The following PPP6R1 variants were observed in gnomAD, a reference collection of about 807,000 sequenced individuals.
PPP6R1 encodes the protein protein phosphatase 6 regulatory subunit 1, also known as serine/threonine-protein phosphatase 6 regulatory subunit 1.
In PPP6R1, 39 loss-of-function variants were observed where a neutral mutation model predicts 104.6. The ratio of observed to expected loss-of-function variants is 0.37; its 90% CI spans 0.29 to 0.49. The LOEUF is 0.49. Among genes scored for constraint, PPP6R1 ranks in the 20% least tolerant of loss-of-function variants. PPP6R1 has a pLI of 0.98. For missense variants in PPP6R1, 1,181 were observed against 1,155.8 expected (o/e 1.02, Z -0.32); for synonymous variants, 549 against 479.0 (o/e 1.15, Z -1.91).
chr19:55,252,985 T>C (rs2087565539), intron 1 of PPP6R1, among the ~76,000 whole-genome samples: 1 of 152,180 alleles, frequency 6.6e-6, no homozygotes, highest in African/African-American at 2.4e-5. Context: ...TCCGCAGAGC[T>C]GATGAGATGC....
chr19:55,257,729 T>C (rs971781160), intron 1 of PPP6R1, among the ~76,000 whole-genome samples: 9 of 152,152 alleles, frequency 5.9e-5, no homozygotes, highest in Admixed American at 2.6e-4. Flanking sequence ...CACGCAGGAA[T>C]TGTGACTGTC....
At chr19:55,246,181 T>C (rs1600113318) in intron 2 of PPP6R1, among the ~76,000 whole-genome samples, 1 of 151,840 alleles carries the variant, frequency 6.6e-6, no homozygotes, top group African/African-American at 2.4e-5. Context: ...TGTGGGGAGG[T>C]ACCCCTTGGG....
intron 19 of PPP6R1, 53 bp from the exon 20 acceptor site, chr19:55,231,721 C>G: frequency 6.6e-7 from 1 of 1,525,498 alleles, no homozygotes; most frequent in African/African-American, 1.4e-5. Flanking sequence ...GCACTCGAGC[C>G]TATGAGAGGA....
At chr19:55,234,984 T>C (rs1174535559) in intron 17 of PPP6R1, among the ~76,000 whole-genome samples, 1 of 152,186 alleles carries the variant, frequency 6.6e-6, no homozygotes, top group African/African-American at 2.4e-5. Flanking sequence ...CTCCTGGGTC[T>C]GGGCACTGAG....
intron 17 of PPP6R1, chr19:55,232,431 G>A: frequency 1.7e-6 from 1 of 601,962 alleles, no homozygotes; most frequent in South Asian, 2.7e-5. Context: ...ACAGAATGCG[G>A]CCGTAAGGAG....
In PPP6R1 at chr19:55,231,400, C is replaced by A. The variant is rs555238481; in HGVS notation, c.2459+10G>T. On this transcript the variant is annotated intron_variant, in intron 21 of 23. Coordinates refer to ENST00000412770, the MANE Select transcript of PPP6R1 (RefSeq NM_014931.4). Reference sequence around the variant, plus strand: ...CTCCCGATACTAGGCAGCCCCACCTCGCTGCTCACCTGTCCGAGGAGCTGG... The same window carrying A: ...CTCCCGATACTAGGCAGCCCCACCTAGCTGCTCACCTGTCCGAGGAGCTGG... 9 of 1,584,092 alleles carry A rather than the reference C, an allele frequency of 5.7e-6. No homozygotes were observed.
At chr19:55,231,318 G>T in intron 21 of PPP6R1, 92 bp downstream of exon 21, 2 of 1,413,422 alleles carry the variant, frequency 1.4e-6, no homozygotes. Flanking sequence ...GAGGCCTGGA[G>T]CAGCTCAGGG....
intron 11 of PPP6R1, 33 bp downstream of exon 11, chr19:55,240,203 C>G: frequency 6.4e-7 from 1 of 1,572,690 alleles, no homozygotes; most frequent in South Asian, 1.2e-5. Flanking sequence ...GCAGCCCCAG[C>G]CCCTGGAGAC....
intron 1 of PPP6R1, chr19:55,247,377 C>T (rs765709697): frequency 8.6e-5 from 43 of 497,364 alleles, no homozygotes; most frequent in South Asian, 2.0e-4. Context: ...GCCTCCCGGC[C>T]GCCTCGCCTG....
At position 55,246,933 on chromosome 19, in the gene PPP6R1, C is replaced by T; in HGVS notation, c.171G>A (p.Met57Ile). 6.2e-7 allele frequency: 1 copy of T among 1,613,692 alleles called. No individual in the cohort carries two copies. Among genetic ancestry groups the T allele is most frequent in the Non-Finnish European group, 8.5e-7 (1 of 1,179,796 alleles). ...GCGGCTCCTGGGTGACCCAGGCCAC[C>T]ATTGCTTGCAGGTGGGGTGGCTGCA... ...FLLQPPHLQA[M>I]VAWVTQEPPD... Residue 57 changes from methionine to isoleucine, a missense_variant, in exon 2 of 24, where the codon ATG becomes ATA. By Grantham distance (10) the Met-to-Ile change is conservative. This residue lies in a region of PPP6R1 where 139 missense variants were observed against 200.1 expected (regional missense o/e 0.69). Coordinates refer to ENST00000412770, the MANE Select transcript of PPP6R1 (RefSeq NM_014931.4).
At chr19:55,251,221 T>A (rs1040964308) in intron 1 of PPP6R1, among the ~76,000 whole-genome samples, 1 of 152,188 alleles carries the variant, frequency 6.6e-6, no homozygotes, top group Admixed American at 6.5e-5. Context: ...AATGAAGCAC[T>A]GGAGGTACAC....
At chr19:55,249,393 C>T (rs936807225) in intron 1 of PPP6R1, among the ~76,000 whole-genome samples, 1 of 152,210 alleles carries the variant, frequency 6.6e-6, no homozygotes, top group Non-Finnish European at 1.5e-5. Flanking sequence ...AAGCATCTGC[C>T]ACCACACCCG....
In PPP6R1 at chr19:55,236,725, C is replaced by G; in HGVS notation, c.1906G>C (p.Gly636Arg). ...EEDEEEAQGS[G>R]ESDGEDGAWQ... Reference sequence around the variant, plus strand: ...GCGCCATCTTCTCCATCAGACTCCCCTGAGCCCTGGGCCTCTTCCTCGTCC... The same window carrying G: ...GCGCCATCTTCTCCATCAGACTCCCGTGAGCCCTGGGCCTCTTCCTCGTCC... Residue 636 changes from glycine (G) to arginine (R), a missense_variant, in exon 17 of 24, where the codon GGG (glycine) becomes CGG (arginine). Physicochemically the swap from Gly to Arg is moderately radical, Grantham distance 125 (BLOSUM62 -2). Around this residue, in one of 2 missense-constraint regions of PPP6R1, gnomAD observed 1,042 missense variants for 955.6 expected, o/e 1.09. Transcript: ENST00000412770. The G allele has an allele frequency of 6.2e-7, 1 of 1,613,792 alleles. No homozygotes were observed. The highest frequency in any genetic ancestry group is 1.1e-5 in the South Asian group (1 of 91,070).
intron 21 of PPP6R1, 23 bp downstream of exon 21, chr19:55,231,387 G>A (rs752402128): frequency 2.6e-6 from 4 of 1,568,172 alleles, no homozygotes; most frequent in South Asian, 1.2e-5. Flanking sequence ...CCCGATACTA[G>A]GCAGCCCCAC....
At chr19:55,251,773 G>A (rs1007856246) in intron 1 of PPP6R1, among the ~76,000 whole-genome samples, 1 of 152,162 alleles carries the variant, frequency 6.6e-6, no homozygotes, top group African/African-American at 2.4e-5. Context: ...CTCAGCAAAG[G>A]TGACTCACCA....
intron 1 of PPP6R1, among the ~76,000 whole-genome samples, chr19:55,255,018 G>C (rs746902076): frequency 2.6e-5 from 4 of 152,228 alleles, no homozygotes; most frequent in Non-Finnish European, 5.9e-5. Flanking sequence ...ACTGGGGCCA[G>C]AGGAGAAGGG....
At chr19:55,258,178 G>C (rs73621332) in intron 1 of PPP6R1, among the ~76,000 whole-genome samples, 1 of 152,234 alleles carries the variant, frequency 6.6e-6, no homozygotes, top group Admixed American at 6.5e-5. Context: ...CAGAGAGCGA[G>C]TGGGAAAAGG....
At position 55,245,832 on chromosome 19, in the gene PPP6R1, G is replaced by A. The variant is rs767465509; in HGVS notation, c.228-154C>T. ...GGGAAAGGGCAGAGGACAGGGTGACGCAGAAACAAGGGCCCACACCAGGCC... is the reference window on the plus strand; with the variant it reads ...GGGAAAGGGCAGAGGACAGGGTGACACAGAAACAAGGGCCCACACCAGGCC... On this transcript the variant is annotated intron_variant, in intron 2 of 23. Coordinates refer to ENST00000412770, the MANE Select transcript of PPP6R1 (RefSeq NM_014931.4). The surrounding 1 kb of genome is among the most constrained non-coding windows in gnomAD (Gnocchi z 6.4). Among the ~76,000 whole-genome samples, 45 of 152,078 alleles carry A rather than the reference G, an allele frequency of 3.0e-4. No individual in the cohort carries two copies. Among genetic ancestry groups the A allele is most frequent in the Admixed American group, 5.2e-4 (8 of 15,268 alleles).
intron 7 of PPP6R1, 53 bp downstream of exon 7, chr19:55,242,113 G>A (rs1427725591): frequency 2.4e-5 from 36 of 1,523,152 alleles, no homozygotes; most frequent in Non-Finnish European, 3.1e-5. Flanking sequence ...CTGAGGGGCC[G>A]GAGAGCCCCT....
Sources: gnomAD v4.1 joint callset for allele counts (sites outside exome capture counted in the v4.1 genomes callset) on GRCh38, gnomAD v4.1.1 for gene constraint, gnomAD v4.1.1 regional missense constraint, Gnocchi (gnomAD v3.1) non-coding constraint, MANE v1.5 for transcripts, NCBI Gene and HGNC (gene_info 2026-07-23, HGNC 2026-07-21) for gene names.